Variants in SPATA31H1 observed in about 807,000 individuals in gnomAD.
The protein encoded by SPATA31H1 is spermatogenesis-associated protein 31H1.
chr2:27,555,764 A>T, the SPATA31H1 span, among the ~76,000 whole-genome samples: 1 of 151,938 alleles, frequency 6.6e-6, no homozygotes, highest in Non-Finnish European at 1.5e-5. Context: ...GGCTTCCAAT[A>T]TTTCTAAAAG....
chr2:27,579,237 C>T, the SPATA31H1 span: 2 of 1,614,082 alleles, frequency 1.2e-6, no homozygotes, highest in African/African-American at 2.7e-5. Flanking sequence ...AAGAAAATAT[C>T]TCTCCACTAT....
At chr2:27,577,598 C>T in the SPATA31H1 span, 10 of 1,614,104 alleles carry the variant, frequency 6.2e-6, no homozygotes, top group Middle Eastern at 1.6e-4. This position sits in a 1 kb window ranked among gnomAD's most constrained non-coding sequence, Gnocchi z 4.5. Flanking sequence ...CATTACATCA[C>T]GTCCCAGATT....
the SPATA31H1 span, chr2:27,582,287 T>TGA: frequency 6.2e-7 from 1 of 1,613,736 alleles, no homozygotes; most frequent in Non-Finnish European, 8.5e-7. Context: ...GCAGTTCCTG[T>TGA]GAGAGAACCC....
the SPATA31H1 span, chr2:27,571,486 C>A: frequency 2.5e-6 from 1 of 398,282 alleles, no homozygotes; most frequent in African/African-American, 2.1e-5. Context: ...ACTCCATGTT[C>A]AAGAATTCAA....
the SPATA31H1 span, chr2:27,569,486 T>C: frequency 1.0e-5 from 4 of 398,790 alleles, no homozygotes; most frequent in Non-Finnish European, 1.8e-5. Context: ...TACTGCAAAA[T>C]TTGAAATCTA....
chr2:27,544,412 G>A, the SPATA31H1 span, among the ~76,000 whole-genome samples: 1 of 151,874 alleles, frequency 6.6e-6, no homozygotes, highest in Non-Finnish European at 1.5e-5. Flanking sequence ...TATTGTCATG[G>A]ACTAGTTTTG....
chr2:27,568,425 C>G, the SPATA31H1 span: 2 of 398,980 alleles, frequency 5.0e-6, no homozygotes, highest in Non-Finnish European at 8.8e-6. Flanking sequence ...CACAAAATCA[C>G]TGGAAATGAT....
At chr2:27,572,079 A>G in the SPATA31H1 span, 186 of 398,470 alleles carry the variant, frequency 4.7e-4, 1 homozygote, top group African/African-American at 3.4e-3. Context: ...TGAAGGTATA[A>G]AATCGGTAGA....
At chr2:27,581,490 G>A in the SPATA31H1 span, 12 of 1,609,196 alleles carry the variant, frequency 7.5e-6, no homozygotes, top group African/African-American at 2.7e-5. Flanking sequence ...GAGCCATCGC[G>A]GTCCCTCTCA....
the SPATA31H1 span, chr2:27,576,743 A>G: frequency 6.2e-7 from 1 of 1,614,094 alleles, no homozygotes; most frequent in Non-Finnish European, 8.5e-7. Context: ...AATCACAGCA[A>G]CAGGATGTGA....
chr2:27,581,795 CCATCACAGTCCCTCTGAGAGAAGA>C, the SPATA31H1 span: 1,092 of 1,610,528 alleles, frequency 6.8e-4, 8 homozygotes, highest in African/African-American at 0.011. Flanking sequence ...CTGAGAGAAG[CCATCACAGTCCCTCTGAGAGAAGA>C]CATCACAGTC....
At chr2:27,580,034 C>T in the SPATA31H1 span, 1 of 1,614,204 alleles carries the variant, frequency 6.2e-7, no homozygotes, top group East Asian at 2.2e-5. Flanking sequence ...ACCTTGTACG[C>T]ACTCCTGAAG....
At chr2:27,582,661 G>T in the SPATA31H1 span, 3 of 850,148 alleles carry the variant, frequency 3.5e-6, no homozygotes, top group South Asian at 3.6e-5. Flanking sequence ...TCTCTACCGG[G>T]GGGGAGGCGG....
chr2:27,578,992 T>C, the SPATA31H1 span: 2 of 1,614,016 alleles, frequency 1.2e-6, no homozygotes, highest in African/African-American at 1.3e-5. Flanking sequence ...ACAGCTAACA[T>C]TGTGGAAAAC....
the SPATA31H1 span, chr2:27,579,511 G>T: frequency 1.2e-6 from 2 of 1,614,154 alleles, no homozygotes; most frequent in South Asian, 1.1e-5. Flanking sequence ...ATATGGACAC[G>T]TGGCTCCACA....
chr2:27,548,579 G>A, the SPATA31H1 span, among the ~76,000 whole-genome samples: 1 of 147,948 alleles, frequency 6.8e-6, no homozygotes, highest in Non-Finnish European at 1.5e-5. Context: ...CAGCACTCCA[G>A]CTTGGGTGAC....
the SPATA31H1 span, among the ~76,000 whole-genome samples, chr2:27,556,372 C>T: frequency 6.6e-6 from 1 of 150,998 alleles, no homozygotes; most frequent in Non-Finnish European, 1.5e-5. Context: ...TTACCATATA[C>T]TCCCTGCACT....
At chr2:27,553,664 G>A in the SPATA31H1 span, among the ~76,000 whole-genome samples, 1 of 152,082 alleles carries the variant, frequency 6.6e-6, no homozygotes. Context: ...GCTTGTGCCT[G>A]TAATCCCAGC....
At chr2:27,540,596 G>C in the SPATA31H1 span, among the ~76,000 whole-genome samples, 1 of 143,148 alleles carries the variant, frequency 7.0e-6, no homozygotes, top group African/African-American at 2.7e-5. Context: ...CCCAGACGGG[G>C]TGGCTGCCGG....
Sources: allele counts gnomAD v4.1 joint callset (sites outside exome capture counted in the v4.1 genomes callset), GRCh38; gene constraint gnomAD v4.1.1; non-coding constraint Gnocchi (gnomAD v3.1); transcripts MANE v1.5; gene names NCBI Gene and HGNC (gene_info 2026-07-23, HGNC 2026-07-21).